Variants in CDH18 observed in about 807,000 individuals in gnomAD.
CDH18 encodes the protein cadherin-18.
CDH18 carries 31 observed loss-of-function variants against 67.9 expected under a neutral mutation model. The ratio of observed to expected loss-of-function variants is 0.46; its 90% CI spans 0.34 to 0.62. The LOEUF (loss-of-function observed/expected upper bound fraction) is 0.62, where lower values mean the gene tolerates loss of function less well. Ranked by LOEUF, CDH18 falls within the 20% of genes least tolerant of loss-of-function variation. CDH18 has a pLI of 0.01. For synonymous variants in CDH18, 362 were observed against 347.2 expected (o/e 1.04, Z -0.48); for missense variants, 890 against 975.5 (o/e 0.91, Z 1.17).
chr5:19,632,019 C>T (rs1348236663), intron 5 of CDH18, among the ~76,000 whole-genome samples: 2 of 152,122 alleles, frequency 1.3e-5, no homozygotes, highest in East Asian at 1.9e-4. Context: ...TTTTCCTCCA[C>T]TCTATATGAA....
At chr5:19,693,740 T>TA (rs1010784125) in intron 5 of CDH18, among the ~76,000 whole-genome samples, 2 of 151,840 alleles carry the variant, frequency 1.3e-5, no homozygotes, top group Non-Finnish European at 2.9e-5. Context: ...CTACTAAAGA[T>TA]ACAAAAATTA....
chr5:20,524,805 T>C (rs1289907640), intron 1 of CDH18, among the ~76,000 whole-genome samples: 3 of 152,164 alleles, frequency 2.0e-5, no homozygotes, highest in Non-Finnish European at 4.4e-5. Flanking sequence ...CTTCAGTTCA[T>C]ACTCTCATGC....
rs532734516 is a variant in CDH18 at position 19,703,630 on chromosome 5, T to C, written c.643+17717A>G. On this transcript the variant is annotated intron_variant, in intron 5 of 12. Transcript: ENST00000382275. ...TTCAAGCAGTGCCTCGAGTGACTGC[T>C]CTCAGTTCTATTCAGCCAGGAATTT... Among the ~76,000 whole-genome samples the C allele has an allele frequency of 3.6e-4, 55 of 152,072 alleles. 2 individuals are homozygous for C. In the South Asian group the frequency reaches 0.011, roughly 31 times the overall value.
At chr5:20,390,071 G>A (rs1669424144) in intron 1 of CDH18, among the ~76,000 whole-genome samples, 1 of 152,140 alleles carries the variant, frequency 6.6e-6, no homozygotes, top group African/African-American at 2.4e-5. Flanking sequence ...TAAGGACATA[G>A]GCATAGGCAA....
Position 20,356,506 on chromosome 5 carries a change from A to G in CDH18, c.-579-101001T>C, listed in dbSNP as rs188526067. 1.1e-4 allele frequency among the ~76,000 whole-genome samples: 16 copies of G among 152,306 alleles called. No individual in the cohort carries two copies. In the East Asian group the frequency reaches 3.1e-3, roughly 29 times the overall value. The stretch of plus-strand genomic sequence containing the variant: ...ATATAAAGAGTTAGCTTAGAAATTC[A>G]TCTGACTAGAGATTTATTATAAATT... On this transcript the variant is annotated intron_variant, in intron 1 of 14. Coordinates refer to the CDH18 transcript ENST00000507958.
intron 1 of CDH18, among the ~76,000 whole-genome samples, chr5:20,534,536 C>T (rs1054894824): frequency 6.6e-6 from 1 of 151,968 alleles, no homozygotes; most frequent in East Asian, 1.9e-4. Flanking sequence ...AAAAAGGTCA[C>T]TTTTTTGTCT....
intron 3 of CDH18, among the ~76,000 whole-genome samples, chr5:19,808,832 CAAAAAA>C (rs1173922790): frequency 7.4e-4 from 40 of 53,944 alleles, no homozygotes; most frequent in Non-Finnish European, 1.2e-3. Context: ...AACTCTGTCT[CAAAAAA>C]AAAAAAAAAA....
At chr5:19,628,405 G>C (rs1215031504) in intron 5 of CDH18, among the ~76,000 whole-genome samples, 1 of 152,118 alleles carries the variant, frequency 6.6e-6, no homozygotes, top group South Asian at 2.1e-4. Flanking sequence ...TTTGAAAGTT[G>C]CTTTGGGAAT....
chr5:20,042,512 A>G (rs1176255683), intron 2 of CDH18, among the ~76,000 whole-genome samples: 1 of 152,190 alleles, frequency 6.6e-6, no homozygotes, highest in African/African-American at 2.4e-5. Flanking sequence ...TTTTCACACA[A>G]AAACATAATT....
chr5:20,014,115 T>C lies in CDH18; in HGVS notation c.-517-22101A>G, dbSNP rs1470697147. Among the ~76,000 whole-genome samples, 3 of 152,242 alleles carry C rather than the reference T, an allele frequency of 2.0e-5. No homozygotes were observed. The East Asian group carries it at 5.8e-4, about 29-fold the overall frequency. On this transcript the variant is annotated intron_variant, in intron 2 of 14. Coordinates refer to the CDH18 transcript ENST00000507958. ...ATTCCCCAAATATGACAGAGAGGCA[T>C]AGAGGTACTGCTCTTTCAAATTCAA...
intron 1 of CDH18, among the ~76,000 whole-genome samples, chr5:20,442,431 A>G (rs1749674877): frequency 6.6e-6 from 1 of 151,942 alleles, no homozygotes; most frequent in Non-Finnish European, 1.5e-5. Flanking sequence ...CTTGGATGGA[A>G]GATGCTGGAC....
At chr5:20,159,457 T>C (rs1426257872) in intron 2 of CDH18, among the ~76,000 whole-genome samples, 3 of 152,182 alleles carry the variant, frequency 2.0e-5, no homozygotes, top group African/African-American at 7.2e-5. Flanking sequence ...CAATCCAACA[T>C]ACTTACTCCA....
chr5:20,358,209 C>T (rs951585404), intron 1 of CDH18, among the ~76,000 whole-genome samples: 2 of 152,114 alleles, frequency 1.3e-5, no homozygotes, highest in African/African-American at 2.4e-5. Flanking sequence ...GGTACTATGC[C>T]CACTACCTGG....
intron 2 of CDH18, among the ~76,000 whole-genome samples, chr5:20,004,258 C>A (rs1289322935): frequency 6.6e-6 from 1 of 152,214 alleles, no homozygotes; most frequent in Non-Finnish European, 1.5e-5. Flanking sequence ...CGCCCCCCAC[C>A]CGCAAGGGAA....
chr5:19,977,106 T>G (rs1798577659), intron 2 of CDH18, among the ~76,000 whole-genome samples: 1 of 152,122 alleles, frequency 6.6e-6, no homozygotes, highest in Non-Finnish European at 1.5e-5. Flanking sequence ...ATAATTTGAC[T>G]TGTTACAATA....
In CDH18 at chr5:20,250,838, T is replaced by G. The variant is rs565825925; in HGVS notation, c.-518+4606A>C. 4.0e-3 allele frequency among the ~76,000 whole-genome samples: 611 copies of G among 151,800 alleles called. 3 individuals are homozygous for G. The highest frequency in any genetic ancestry group is 0.012 in the South Asian group (59 of 4,804). ...CCAGGCTGGCCTCCACCTCCTGGCC[T>G]CAAGTGATCCGCCCGCCTTGGCCTC... On this transcript the variant is annotated intron_variant, in intron 2 of 14. Transcript: ENST00000507958.
At chr5:20,405,174 C>A (rs546226950) in intron 1 of CDH18, among the ~76,000 whole-genome samples, 27 of 152,002 alleles carry the variant, frequency 1.8e-4, no homozygotes, top group Non-Finnish European at 3.4e-4. Context: ...TCACGCTACC[C>A]CACTTCAAAC....
At chr5:19,725,129 TG>T (rs1766652140) in intron 4 of CDH18, among the ~76,000 whole-genome samples, 1 of 152,054 alleles carries the variant, frequency 6.6e-6, no homozygotes, top group South Asian at 2.1e-4. Flanking sequence ...GGTTTCACCA[TG>T]TTAGCCAGGA....
intron 5 of CDH18, among the ~76,000 whole-genome samples, chr5:19,650,959 G>A (rs1405803132): frequency 6.6e-6 from 1 of 151,894 alleles, no homozygotes; most frequent in Non-Finnish European, 1.5e-5. Flanking sequence ...TTGAACTTAT[G>A]ATAATTATTA....
Sources: allele counts gnomAD v4.1 joint callset (sites outside exome capture counted in the v4.1 genomes callset), GRCh38; gene constraint gnomAD v4.1.1; transcripts MANE v1.5; gene names NCBI Gene and HGNC (gene_info 2026-07-23, HGNC 2026-07-21).